The following TM9SF4 variants were observed in gnomAD, a reference collection of about 807,000 sequenced individuals.
TM9SF4 encodes transmembrane 9 superfamily member 4, also known as dinucleotide oxidase disulfide thiol exchanger 3 superfamily member 4.
Under a neutral mutation model 90.4 loss-of-function variants are expected in TM9SF4, and 26 were observed. The ratio of observed to expected loss-of-function variants is 0.29; its 90% CI spans 0.21 to 0.40. The LOEUF (loss-of-function observed/expected upper bound fraction) is 0.40. Among genes scored for constraint, TM9SF4 ranks in the 10% least tolerant of loss-of-function variants. The probability of loss-of-function intolerance (pLI) is 1.00; values close to 1 mark genes in which losing one functional copy is unlikely to be tolerated. For missense variants in TM9SF4, 549 were observed against 834.8 expected (o/e 0.66, Z 4.22); for synonymous variants, 293 against 315.4 (o/e 0.93, Z 0.75).
intron 1 of TM9SF4, among the ~76,000 whole-genome samples, chr20:32,120,395 G>GTTTTTTT (rs34639926): frequency 2.2e-3 from 251 of 115,698 alleles, no homozygotes; most frequent in Non-Finnish European, 2.5e-3. Flanking sequence ...TAAGTGGTGC[G>GTTTTTTT]TTTTTTTTTT....
intron 3 of TM9SF4, chr20:32,136,900 TC>T (rs1437880670): frequency 4.2e-6 from 2 of 471,074 alleles, no homozygotes; most frequent in Non-Finnish European, 8.8e-6. Flanking sequence ...GAGAACTGGT[TC>T]TTGAGCAAGC....
chr20:32,136,571 G>A (rs1304366164), intron 3 of TM9SF4, among the ~76,000 whole-genome samples: 2 of 152,120 alleles, frequency 1.3e-5, no homozygotes, highest in Non-Finnish European at 2.9e-5. Flanking sequence ...AAGAGAGAGC[G>A]AGTGCCTCTG....
chr20:32,144,374 G>A (rs1221523311), intron 6 of TM9SF4, among the ~76,000 whole-genome samples: 1 of 152,242 alleles, frequency 6.6e-6, no homozygotes, highest in African/African-American at 2.4e-5. Context: ...ACATCTGAAT[G>A]ATTGATCACG....
chr20:32,160,847 G>T (rs930105471), intron 16 of TM9SF4, among the ~76,000 whole-genome samples: 12 of 150,670 alleles, frequency 8.0e-5, no homozygotes, highest in African/African-American at 2.9e-4. Flanking sequence ...CTACTTGGGA[G>T]GCCGAGGCAG....
Position 32,150,801 on chromosome 20 carries a change from G to A in TM9SF4, c.1171G>A (p.Val391Met). ...TGGATCCCTGCCATTTTCCCACAGGGTGTTTGGCGGATTTTCTGCTGGCCG... is the reference window on the plus strand; with the variant it reads ...TGGATCCCTGCCATTTTCCCACAGGATGTTTGGCGGATTTTCTGCTGGCCG... ...TACFLFMFMG[V>M]FGGFSAGRLY... Residue 391 changes from valine to methionine, a missense_variant and splice_region_variant, in exon 12 of 18, where the codon GTG becomes ATG. Coordinates refer to ENST00000398022, the MANE Select transcript of TM9SF4 (RefSeq NM_014742.4). 4 of 1,614,132 alleles carry A rather than the reference G, an allele frequency of 2.5e-6. No individual in the cohort carries two copies. Among genetic ancestry groups the A allele is most frequent in the Non-Finnish European group, 3.4e-6 (4 of 1,180,018 alleles).
chr20:32,117,223 CAAAAAAA>C (rs34453961), intron 1 of TM9SF4, among the ~76,000 whole-genome samples: 61 of 68,252 alleles, frequency 8.9e-4, no homozygotes, highest in African/African-American at 3.3e-3. Context: ...GACTCTGTCT[CAAAAAAA>C]AAAAAAAAAA....
rs375210158 is a variant in TM9SF4, at chr20:32,141,754, T to A, written c.399-12T>A. The A allele has an allele frequency of 6.8e-6, 11 of 1,613,960 alleles. No individual in the cohort carries two copies. Among genetic ancestry groups the A allele is most frequent in the Non-Finnish European group, 8.5e-6 (10 of 1,179,942 alleles). On this transcript the variant is annotated splice_polypyrimidine_tract_variant and intron_variant, in intron 4 of 17. Coordinates refer to ENST00000398022, the MANE Select transcript of TM9SF4 (RefSeq NM_014742.4). ...CGGTCGAGAGGGACTGAGTGGGGCC[T>A]TCACTTTCCAGCATTGCTGACAACC...
At chr20:32,111,308 A>G (rs1003111862) in intron 1 of TM9SF4, among the ~76,000 whole-genome samples, 1 of 152,218 alleles carries the variant, frequency 6.6e-6, no homozygotes, top group African/African-American at 2.4e-5. Context: ...AAGAACTTAA[A>G]AGGAAATCAC....
intron 1 of TM9SF4, chr20:32,109,985 A>G (rs2122289490): frequency 7.1e-7 from 1 of 1,414,058 alleles, no homozygotes; most frequent in Non-Finnish European, 9.2e-7. Flanking sequence ...TTTCGGAGGA[A>G]GACCTCGGCT....
chr20:32,152,078 G>A (rs939413400), intron 12 of TM9SF4, among the ~76,000 whole-genome samples: 2 of 150,816 alleles, frequency 1.3e-5, no homozygotes, highest in African/African-American at 4.9e-5. Context: ...CACCATGTTA[G>A]CCAGGATGGT....
intron 1 of TM9SF4, among the ~76,000 whole-genome samples, chr20:32,128,732 C>G (rs2046460729): frequency 6.6e-6 from 1 of 151,780 alleles, no homozygotes; most frequent in African/African-American, 2.4e-5. Context: ...CCAGTTTCAT[C>G]CATGTTGCTG....
chr20:32,161,299 T>C lies in TM9SF4; in HGVS notation c.1713T>C (p.Asn571=). The change falls in exon 17 of 18, where the codon AAT becomes AAC. Residue 571 remains asparagine, a synonymous_variant. Coordinates refer to ENST00000398022, the MANE Select transcript of TM9SF4 (RefSeq NM_014742.4). ...AGGATTACCGCTGGTGGTGGAGAAA[T>C]TTCCTAGTCTCCGGGGGCTCTGCAT... ...CAEDYRWWWR[N]FLVSGGSAFY... 1.2e-6 allele frequency: 2 copies of C among 1,613,956 alleles called. No homozygotes were observed. The highest frequency in any genetic ancestry group is 2.2e-5 in the South Asian group (2 of 91,072).
chr20:32,124,877 G>A lies in TM9SF4; in HGVS notation c.16-8136G>A, dbSNP rs114285336. On this transcript the variant is annotated intron_variant, in intron 1 of 17. Transcript: ENST00000398022. ...GCTTGGATTACGGGTGTGAGCCACCGCACCCAGCCCTACAAATTGTCTTTT... is the reference window on the plus strand; with the variant it reads ...GCTTGGATTACGGGTGTGAGCCACCACACCCAGCCCTACAAATTGTCTTTT... Among the ~76,000 whole-genome samples the A allele has an allele frequency of 1.5e-3, 233 of 152,256 alleles. 2 individuals are homozygous for A. Among genetic ancestry groups the A allele is most frequent in the African/African-American group, 5.2e-3 (216 of 41,556 alleles).
chr20:32,140,093 A>G (rs1569078362), intron 3 of TM9SF4, among the ~76,000 whole-genome samples: 1 of 152,224 alleles, frequency 6.6e-6, no homozygotes, highest in Non-Finnish European at 1.5e-5. Flanking sequence ...ATGTTCACGG[A>G]TGAATGAATG....
chr20:32,121,860 G>T (rs2046314298), intron 1 of TM9SF4, among the ~76,000 whole-genome samples: 1 of 150,304 alleles, frequency 6.7e-6, no homozygotes, highest in Admixed American at 6.6e-5. Flanking sequence ...TCCCGGACGG[G>T]GCGGCTGGCC....
intron 3 of TM9SF4, among the ~76,000 whole-genome samples, chr20:32,136,467 A>T (rs1048912659): frequency 1.2e-4 from 18 of 152,156 alleles, no homozygotes; most frequent in Non-Finnish European, 2.5e-4. Flanking sequence ...CAGTCTTCAG[A>T]CTTGGAGCAC....
chr20:32,147,557 A>G (rs1376256466), intron 9 of TM9SF4, among the ~76,000 whole-genome samples: 2 of 152,208 alleles, frequency 1.3e-5, no homozygotes, highest in Non-Finnish European at 2.9e-5. Flanking sequence ...TTGTTTTAAA[A>G]AAAACTAGGT....
intron 1 of TM9SF4, among the ~76,000 whole-genome samples, chr20:32,123,605 T>C (rs989554313): frequency 6.6e-6 from 1 of 151,476 alleles, no homozygotes; most frequent in Non-Finnish European, 1.5e-5. Context: ...TTACCTAAAC[T>C]CTTTTTCTTT....
At chr20:32,156,135 T>C (rs1298917606) in intron 13 of TM9SF4, among the ~76,000 whole-genome samples, 1 of 152,224 alleles carries the variant, frequency 6.6e-6, no homozygotes, top group African/African-American at 2.4e-5. Flanking sequence ...TTTATAGATA[T>C]ACTTACAAAA....
Sources: gnomAD v4.1 joint callset for allele counts (sites outside exome capture counted in the v4.1 genomes callset) on GRCh38, gnomAD v4.1.1 for gene constraint, MANE v1.5 for transcripts, NCBI Gene and HGNC (gene_info 2026-07-23, HGNC 2026-07-21) for gene names.